Variants in FUT8 observed in about 807,000 individuals in gnomAD.
The protein encoded by FUT8 is fucosyltransferase 8.
Under a neutral mutation model 71.3 loss-of-function variants are expected in FUT8, and 29 were observed. That is an observed-to-expected ratio of 0.41 (90% CI 0.30 to 0.55). FUT8 has a LOEUF of 0.55. Ranked by LOEUF, FUT8 falls within the 20% of genes least tolerant of loss-of-function variation. The probability of loss-of-function intolerance (pLI) is 0.34; values close to 1 mark genes in which losing one functional copy is unlikely to be tolerated. For synonymous variants in FUT8, 254 were observed against 239.3 expected (o/e 1.06, Z -0.57); for missense variants, 544 against 702.1 (o/e 0.77, Z 2.55).
intron 3 of FUT8, among the ~76,000 whole-genome samples, chr14:65,609,954 T>G (rs1315458576): frequency 6.6e-6 from 1 of 151,926 alleles, no homozygotes; most frequent in Non-Finnish European, 1.5e-5. Context: ...ATACTTAATT[T>G]TTTTCATTTT....
the FUT8 span, among the ~76,000 whole-genome samples, chr14:65,403,195 GGA>G: frequency 2.6e-5 from 4 of 152,120 alleles, no homozygotes; most frequent in South Asian, 8.3e-4. Context: ...TCTGTTCTTA[GGA>G]GTATTATATG....
chr14:65,459,735 G>A (rs1184448765), intron 2 of FUT8, among the ~76,000 whole-genome samples: 3 of 152,040 alleles, frequency 2.0e-5, no homozygotes, highest in African/African-American at 7.2e-5. Flanking sequence ...ATTAAAGTCA[G>A]GTATAATTGG....
intron 10 of FUT8, among the ~76,000 whole-genome samples, chr14:65,736,925 TC>T (rs1896244596): frequency 6.6e-6 from 1 of 152,094 alleles, no homozygotes; most frequent in African/African-American, 2.4e-5. Context: ...CTATACACTA[TC>T]CTTTCAGGAA....
chr14:65,717,755 G>T (rs574437982), intron 7 of FUT8, among the ~76,000 whole-genome samples: 11 of 150,440 alleles, frequency 7.3e-5, no homozygotes, highest in Non-Finnish European at 1.5e-4. Context: ...AGACGGGGCG[G>T]CCTGGCAGAG....
At chr14:65,484,470 AG>A (rs1344062233) in intron 2 of FUT8, among the ~76,000 whole-genome samples, 2 of 151,764 alleles carry the variant, frequency 1.3e-5, no homozygotes, top group African/African-American at 4.8e-5. Context: ...GAATTTTGTC[AG>A]TTTTTTTTAA....
chr14:65,598,823 T>TG (rs1258034757), intron 3 of FUT8, among the ~76,000 whole-genome samples: 4 of 152,084 alleles, frequency 2.6e-5, no homozygotes, highest in African/African-American at 9.7e-5. Context: ...GTCGAGTCTC[T>TG]GTCTGTTGCC....
intron 7 of FUT8, among the ~76,000 whole-genome samples, chr14:65,692,998 G>T (rs1220728608): frequency 6.6e-6 from 1 of 151,954 alleles, no homozygotes; most frequent in African/African-American, 2.4e-5. Context: ...TGGCGGCCGG[G>T]CAGAGATGCT....
intron 2 of FUT8, among the ~76,000 whole-genome samples, chr14:65,456,138 T>G (rs1329516035): frequency 6.6e-6 from 1 of 152,208 alleles, no homozygotes; most frequent in Non-Finnish European, 1.5e-5. Flanking sequence ...ACATTTTTAT[T>G]TATTTTTAGT....
intron 3 of FUT8, among the ~76,000 whole-genome samples, chr14:65,589,441 C>CT (rs35606286): frequency 0.1 from 11,432 of 109,814 alleles, 1,578 homozygotes; most frequent in African/African-American, 0.27. Context: ...TGCCTTAAAT[C>CT]TTTTTTTTTT....
chr14:65,415,428 C>T (rs2139358499), intron 1 of FUT8, among the ~76,000 whole-genome samples: 1 of 152,254 alleles, frequency 6.6e-6, no homozygotes, highest in Non-Finnish European at 1.5e-5. Flanking sequence ...TATTGGATTT[C>T]TCACTTAAAA....
At chr14:65,681,799 A>G (rs1242753744) in intron 7 of FUT8, among the ~76,000 whole-genome samples, 1 of 152,210 alleles carries the variant, frequency 6.6e-6, no homozygotes, top group Admixed American at 6.5e-5. Flanking sequence ...AATCTAATTT[A>G]ATATTCACAA....
At chr14:65,512,087 A>G (rs1187688636) in intron 2 of FUT8, among the ~76,000 whole-genome samples, 1 of 152,234 alleles carries the variant, frequency 6.6e-6, no homozygotes, top group Admixed American at 6.5e-5. Flanking sequence ...ACTGTACTGA[A>G]TATTGTAGGC....
chr14:65,593,969 C>T (rs1312846585), intron 3 of FUT8, among the ~76,000 whole-genome samples: 2 of 152,222 alleles, frequency 1.3e-5, no homozygotes, highest in Non-Finnish European at 2.9e-5. Context: ...CTTGGCCTCC[C>T]AAAGTGCTGG....
At chr14:65,687,769 T>G (rs2140425920) in intron 7 of FUT8, among the ~76,000 whole-genome samples, 1 of 151,598 alleles carries the variant, frequency 6.6e-6, no homozygotes, top group East Asian at 2.0e-4. Flanking sequence ...AGTCCCACTC[T>G]GTTGACCAAA....
intron 1 of FUT8, among the ~76,000 whole-genome samples, chr14:65,418,938 G>T (rs994500035): frequency 2.0e-5 from 3 of 152,114 alleles, no homozygotes; most frequent in Non-Finnish European, 2.9e-5. Flanking sequence ...TATTAAAAAT[G>T]ATTTTATAGG....
chr14:65,721,585 G>C (rs965895082), intron 7 of FUT8, among the ~76,000 whole-genome samples, 190 bp from the exon 8 acceptor site: 4 of 152,214 alleles, frequency 2.6e-5, no homozygotes, highest in Non-Finnish European at 5.9e-5. Context: ...AGACTAACCT[G>C]CATGTGAAAT....
intron 2 of FUT8, among the ~76,000 whole-genome samples, chr14:65,547,699 T>G (rs973520725): frequency 6.6e-6 from 1 of 151,826 alleles, no homozygotes; most frequent in Admixed American, 6.6e-5. Context: ...AAAAATATAC[T>G]TATTTTGCAT....
At chr14:65,524,364 G>A (rs1883296353) in intron 2 of FUT8, among the ~76,000 whole-genome samples, 2 of 152,044 alleles carry the variant, frequency 1.3e-5, no homozygotes, top group Admixed American at 6.6e-5. Context: ...CCATGATTTG[G>A]CTCTCTGTTT....
At chr14:65,535,044 A>G (rs534841836) in intron 2 of FUT8, among the ~76,000 whole-genome samples, 1 of 150,708 alleles carries the variant, frequency 6.6e-6, no homozygotes, top group South Asian at 2.1e-4. Context: ...ATATGTATAT[A>G]TGTTATATAT....
Sources: gnomAD v4.1 joint callset for allele counts (sites outside exome capture counted in the v4.1 genomes callset) on GRCh38, gnomAD v4.1.1 for gene constraint, MANE v1.5 for transcripts, NCBI Gene and HGNC (gene_info 2026-07-23, HGNC 2026-07-21) for gene names.